Variants in ELAVL4 observed in about 807,000 individuals in gnomAD.
ELAVL4 encodes the protein ELAV like RNA binding protein 4.
In ELAVL4, 1 loss-of-function variant was observed where a neutral mutation model predicts 35.6. That is an observed-to-expected ratio of 0.03 (90% confidence interval 0.01 to 0.13). The LOEUF is 0.13. Ranked by LOEUF, ELAVL4 falls within the 10% of genes least tolerant of loss-of-function variation. The pLI is 1.00. For missense variants in ELAVL4, 267 were observed against 464.9 expected (o/e 0.57, Z 3.91); for synonymous variants, 156 against 171.0 (o/e 0.91, Z 0.69).
upstream of ELAVL4, among the ~76,000 whole-genome samples, chr1:50,104,566 G>A (rs955008568): frequency 6.6e-6 from 1 of 152,194 alleles, no homozygotes; most frequent in Non-Finnish European, 1.5e-5. Context: ...GCCTGGATGG[G>A]CTGGGAAAAT....
chr1:50,073,909 T>G (rs1274993748), intron 1 of ELAVL4, among the ~76,000 whole-genome samples: 1 of 152,206 alleles, frequency 6.6e-6, no homozygotes. Context: ...TCCTATACCT[T>G]TAGTTGCCTT....
At chr1:50,060,354 C>G (rs1481914595) in intron 1 of ELAVL4, among the ~76,000 whole-genome samples, 2 of 152,194 alleles carry the variant, frequency 1.3e-5, no homozygotes, top group Non-Finnish European at 2.9e-5. Flanking sequence ...AGCTGTATGA[C>G]TTTTCATGAT....
chr1:50,156,996 C>T (rs571686327), intron 2 of ELAVL4, among the ~76,000 whole-genome samples: 14 of 152,214 alleles, frequency 9.2e-5, no homozygotes, highest in South Asian at 8.3e-4. Flanking sequence ...CCTGATACAC[C>T]GTCATAAATT....
intron 1 of ELAVL4, among the ~76,000 whole-genome samples, chr1:50,060,866 T>C (rs779104689): frequency 3.9e-5 from 6 of 152,208 alleles, no homozygotes; most frequent in Non-Finnish European, 8.8e-5. Flanking sequence ...CCTGAGTGCC[T>C]TGTAGCACTC....
chr1:50,156,461 G>C (rs576575831), intron 2 of ELAVL4, among the ~76,000 whole-genome samples: 3 of 152,156 alleles, frequency 2.0e-5, no homozygotes, highest in African/African-American at 4.8e-5. Flanking sequence ...ATGGATAAAG[G>C]GGGAGGAGAG....
At chr1:50,099,231 A>T (rs1207084913), upstream of ELAVL4, among the ~76,000 whole-genome samples, 1 of 152,180 alleles carries the variant, frequency 6.6e-6, no homozygotes, top group Non-Finnish European at 1.5e-5. Context: ...ATAACGTACA[A>T]TTTCTGCCAT....
chr1:50,178,739 C>T (rs1680519447), intron 3 of ELAVL4, among the ~76,000 whole-genome samples: 1 of 152,156 alleles, frequency 6.6e-6, no homozygotes, highest in South Asian at 2.1e-4. Context: ...GACGGATGCT[C>T]ATGTCACCTG....
chr1:50,053,425 T>C (rs1455130767), intron 1 of ELAVL4, among the ~76,000 whole-genome samples: 1 of 152,186 alleles, frequency 6.6e-6, no homozygotes, highest in Non-Finnish European at 1.5e-5. Flanking sequence ...CACAGTTCAC[T>C]GTAGCCTTGA....
At chr1:50,106,646 A>G (rs1331767636), upstream of ELAVL4, among the ~76,000 whole-genome samples, 2 of 152,174 alleles carry the variant, frequency 1.3e-5, no homozygotes, top group African/African-American at 4.8e-5. Context: ...TACTATTGGA[A>G]ATGCGATAAT....
chr1:50,112,154 T>C (rs1376458664), intron 1 of ELAVL4, among the ~76,000 whole-genome samples: 1 of 152,102 alleles, frequency 6.6e-6, no homozygotes, highest in Non-Finnish European at 1.5e-5. Context: ...ATTTTCACTC[T>C]TGAGGTAAAA....
At chr1:50,149,249 T>G (rs988580019) in intron 2 of ELAVL4, among the ~76,000 whole-genome samples, 2 of 151,674 alleles carry the variant, frequency 1.3e-5, no homozygotes, top group East Asian at 3.9e-4. Flanking sequence ...AATACAAAAA[T>G]TAGCTAGGCG....
In ELAVL4 at chr1:50,202,509, TG is replaced by T. The variant is rs1362770631; in HGVS notation, c.*1332del. 2 of 152,198 alleles carry T rather than the reference TG, an allele frequency of 1.3e-5. No individual in the cohort carries two copies. Among genetic ancestry groups the T allele is most frequent in the Non-Finnish European group, 2.9e-5 (2 of 68,018 alleles). The allele number at this position is 152,198 out of a possible 1,614,324, so 9.4% of individuals were successfully genotyped here. ...GTTGGTACATTTGAAACACTGTTTA[TG>T]TTGCTTGAAACACTTATTTATTTAA... On this transcript the variant is annotated 3_prime_UTR_variant, in exon 7 of 7. Transcript: ENST00000371824.
At chr1:50,139,740 G>T (rs1672500436) in intron 1 of ELAVL4, among the ~76,000 whole-genome samples, 1 of 152,184 alleles carries the variant, frequency 6.6e-6, no homozygotes, top group Non-Finnish European at 1.5e-5. Context: ...CCAAGAGCAG[G>T]AGGCTGGCTG....
intron 1 of ELAVL4, among the ~76,000 whole-genome samples, chr1:50,076,449 T>C (rs1664769955): frequency 6.6e-6 from 1 of 152,224 alleles, no homozygotes; most frequent in Non-Finnish European, 1.5e-5. Context: ...ACTTCATAAA[T>C]TAAATGTTAT....
intron 1 of ELAVL4, among the ~76,000 whole-genome samples, chr1:50,087,391 CA>C (rs1381041721): frequency 6.6e-6 from 1 of 152,174 alleles, no homozygotes; most frequent in Non-Finnish European, 1.5e-5. Flanking sequence ...TCTTTTCTCA[CA>C]ATCTTCAGAG....
At chr1:50,082,701 A>G (rs113562278) in intron 1 of ELAVL4, among the ~76,000 whole-genome samples, 243 of 152,298 alleles carry the variant, frequency 1.6e-3, no homozygotes, top group Non-Finnish European at 2.7e-3. Flanking sequence ...CACTCTTTTT[A>G]GAACTTATGC....
chr1:50,202,232 A>T lies in ELAVL4; in HGVS notation c.*1054A>T, dbSNP rs1644420165. 6.6e-6 allele frequency: 1 copy of T among 152,218 alleles called. No homozygotes were observed. The highest frequency in any genetic ancestry group is 1.5e-5 in the Non-Finnish European group (1 of 68,038). 9.4% of individuals were successfully genotyped at this position (152,218 alleles called of 1,614,324 possible). On this transcript the variant is annotated 3_prime_UTR_variant, in exon 7 of 7. Coordinates refer to ENST00000371824, the MANE Select transcript of ELAVL4 (RefSeq NM_001144774.3). ...GTCAAAACCCAAAAGCAAGGAGATGAGTTGAAAGACAGTTTTTCTTTAAGT... is the reference window on the plus strand; with the variant it reads ...GTCAAAACCCAAAAGCAAGGAGATGTGTTGAAAGACAGTTTTTCTTTAAGT...
chr1:50,109,691 C>A, intron 1 of ELAVL4: 1 of 518,240 alleles, frequency 1.9e-6, no homozygotes. Flanking sequence ...CGGGGGACTG[C>A]GCAGTCAAAA....
intron 1 of ELAVL4, among the ~76,000 whole-genome samples, chr1:50,090,388 T>C (rs1665437094): frequency 6.6e-6 from 1 of 152,152 alleles, no homozygotes; most frequent in Admixed American, 6.5e-5. Context: ...TTCTATACAA[T>C]GTGTGCCACT....
Sources: allele counts gnomAD v4.1 joint callset (sites outside exome capture counted in the v4.1 genomes callset), GRCh38; gene constraint gnomAD v4.1.1; transcripts MANE v1.5; gene names NCBI Gene and HGNC (gene_info 2026-07-23, HGNC 2026-07-21).